TRRAP: variants seen among roughly 807,000 people sequenced by gnomAD.
TRRAP encodes the protein transformation/transcription domain associated protein.
Under a neutral mutation model 438.8 loss-of-function variants are expected in TRRAP, and 41 were observed. The ratio of observed to expected loss-of-function variants is 0.09; its 90% CI spans 0.07 to 0.12. TRRAP has a LOEUF of 0.12. Among genes scored for constraint, TRRAP ranks in the 10% least tolerant of loss-of-function variants. TRRAP has a pLI of 1.00. For missense variants in TRRAP, 3,122 were observed against 5,055.1 expected, an observed-to-expected ratio of 0.62 and a Z score of 11.60; for synonymous variants, 1,994 against 1,962.9, an observed-to-expected ratio of 1.02 and a Z score of -0.42.
intron 62 of TRRAP, among the ~76,000 whole-genome samples, chr7:98,985,642 G>A (rs1793117442): frequency 6.6e-6 from 1 of 152,230 alleles, no homozygotes; most frequent in African/African-American, 2.4e-5. Flanking sequence ...TGCAAATGAG[G>A]TAGACTCACA....
chr7:98,903,906 C>T (rs191563799), intron 12 of TRRAP, among the ~76,000 whole-genome samples: 28 of 152,040 alleles, frequency 1.8e-4, no homozygotes, highest in Non-Finnish European at 3.1e-4. Flanking sequence ...AGATCTTAGC[C>T]GGGCACGGTT....
chr7:98,958,843 G>C (rs1379798408), intron 44 of TRRAP, among the ~76,000 whole-genome samples: 1 of 152,018 alleles, frequency 6.6e-6, no homozygotes, highest in Non-Finnish European at 1.5e-5. Context: ...TTGATAACTT[G>C]AGTTTATTTA....
intron 7 of TRRAP, among the ~76,000 whole-genome samples, chr7:98,896,911 G>T (rs782196906): frequency 6.0e-5 from 9 of 151,136 alleles, no homozygotes; most frequent in Non-Finnish European, 1.3e-4. Flanking sequence ...GAGAGCGAAG[G>T]TTGGCAGTGA....
Position 98,906,215 on chromosome 7 carries a change from A to G in TRRAP, c.1075A>G (p.Ile359Val), listed in dbSNP as rs1044133468. The stretch of plus-strand genomic sequence containing the variant: ...CATGGACAAGCTGTTTGATGAATCC[A>G]TACTAATTGGCTCAGGATATACTGC... The part of the protein sequence containing the change: ...PCMDKLFDES[I>V]LIGSGYTARE... The change falls in exon 13 of 73, where the codon ATA becomes GTA. Residue 359 changes from isoleucine (I) to valine (V), a missense_variant. Ile to Val is a conservative substitution (Grantham distance 29). This residue lies in a region of TRRAP where 343 missense variants were observed against 564.0 expected (regional missense o/e 0.61). Coordinates refer to ENST00000456197, the MANE Select transcript of TRRAP (RefSeq NM_001375524.1). 10 of 1,613,910 alleles carry G rather than the reference A, an allele frequency of 6.2e-6. No individual in the cohort carries two copies. In the Admixed American group the frequency reaches 1.3e-4, roughly 22 times the overall value.
intron 13 of TRRAP, among the ~76,000 whole-genome samples, chr7:98,907,886 C>G (rs782381916): frequency 6.0e-5 from 9 of 151,212 alleles, no homozygotes; most frequent in Non-Finnish European, 1.3e-4. Flanking sequence ...CCCTCTCTGA[C>G]CTGCTGTAGC....
chr7:98,904,798 T>G (rs1011588736), intron 12 of TRRAP, among the ~76,000 whole-genome samples: 2 of 152,216 alleles, frequency 1.3e-5, no homozygotes, highest in Non-Finnish European at 2.9e-5. Flanking sequence ...TAAATAGACA[T>G]TAGCATCACA....
At chr7:98,883,361 C>CATCTTTG (rs1183491090) in intron 3 of TRRAP, among the ~76,000 whole-genome samples, 1 of 152,018 alleles carries the variant, frequency 6.6e-6, no homozygotes, top group Non-Finnish European at 1.5e-5. Context: ...GCAGATTCCC[C>CATCTTTG]ATCTTTGTTT....
At chr7:98,979,798 C>T (rs995930154) in intron 58 of TRRAP, among the ~76,000 whole-genome samples, 1 of 152,144 alleles carries the variant, frequency 6.6e-6, no homozygotes, top group Non-Finnish European at 1.5e-5. Flanking sequence ...TAGAAAAAAA[C>T]TCAAATATGT....
chr7:98,930,358 C>T (rs1314599898), intron 24 of TRRAP, 152 bp downstream of exon 24: 59 of 1,042,950 alleles, frequency 5.7e-5, no homozygotes, highest in Non-Finnish European at 7.6e-5. Flanking sequence ...GGGCGGCTCA[C>T]CTGAGGTTGG....
chr7:98,966,925 T>C (rs1792184524), intron 49 of TRRAP, 116 bp from the exon 50 acceptor site: 4 of 1,093,546 alleles, frequency 3.7e-6, no homozygotes, highest in Non-Finnish European at 5.1e-6. Flanking sequence ...ATCTTTGCCT[T>C]ACTGTTTAGG....
chr7:98,936,671 C>A (rs1449544125), intron 28 of TRRAP, among the ~76,000 whole-genome samples: 2 of 152,156 alleles, frequency 1.3e-5, no homozygotes, highest in Non-Finnish European at 2.9e-5. Context: ...ATGGGCCTGT[C>A]CTGGATCCAG....
chr7:98,993,871 AC>A, intron 66 of TRRAP, 134 bp downstream of exon 66: 1 of 849,426 alleles, frequency 1.2e-6, no homozygotes, highest in Non-Finnish European at 1.8e-6. Context: ...TTAACCATGG[AC>A]CAGGCAAATA....
chr7:98,968,055 G>T (rs1479335807), intron 51 of TRRAP, among the ~76,000 whole-genome samples: 3 of 150,560 alleles, frequency 2.0e-5, no homozygotes, highest in African/African-American at 7.3e-5. Flanking sequence ...GTCCTGCTCT[G>T]TTGCCCAGGT....
chr7:98,945,989 C>A (rs75431625), intron 33 of TRRAP, 39 bp downstream of exon 33: 1 of 1,405,842 alleles, frequency 7.1e-7, no homozygotes. Context: ...GGGTTGTTGT[C>A]GTTGCTGGTT....
chr7:98,886,363 G>T (rs782253990), intron 3 of TRRAP, among the ~76,000 whole-genome samples: 3 of 151,328 alleles, frequency 2.0e-5, no homozygotes, highest in East Asian at 1.9e-4. Context: ...TATATAGATA[G>T]AGATAGATAT....
At chr7:98,918,955 G>T (rs1314533511) in intron 20 of TRRAP, among the ~76,000 whole-genome samples, 1 of 150,626 alleles carries the variant, frequency 6.6e-6, no homozygotes, top group Non-Finnish European at 1.5e-5. Context: ...TACTCAGGAG[G>T]CTGAGCAGGA....
chr7:99,002,277 G>T (rs934687798), intron 67 of TRRAP, among the ~76,000 whole-genome samples: 1 of 152,194 alleles, frequency 6.6e-6, no homozygotes, highest in Non-Finnish European at 1.5e-5. Flanking sequence ...ACACATGTGC[G>T]CACACACACG....
chr7:98,999,377 C>G (rs1159459905), intron 67 of TRRAP: 6 of 1,378,016 alleles, frequency 4.4e-6, no homozygotes, highest in Non-Finnish European at 6.2e-6. Context: ...GCACAGCTCT[C>G]TCATCCACAA....
At position 98,895,213 on chromosome 7, in the gene TRRAP, T is replaced by C. The variant is rs782478305; in HGVS notation, c.451-551T>C. ...GAGCCACTGTGCCCATCCACAATTA[T>C]TTTTTAATGGGTACATAGTATTCTT... On this transcript the variant is annotated intron_variant, in intron 6 of 72. Coordinates refer to ENST00000456197, the MANE Select transcript of TRRAP (RefSeq NM_001375524.1). 7.0e-4 allele frequency among the ~76,000 whole-genome samples: 107 copies of C among 152,232 alleles called. 1 individual carries two copies. Among genetic ancestry groups the C allele is most frequent in the Non-Finnish European group, 1.4e-3 (96 of 68,048 alleles).
Sources: allele counts gnomAD v4.1 joint callset (sites outside exome capture counted in the v4.1 genomes callset), GRCh38; gene constraint gnomAD v4.1.1; regional missense constraint gnomAD v4.1.1; transcripts MANE v1.5; gene names NCBI Gene and HGNC (gene_info 2026-07-23, HGNC 2026-07-21).